Variants in TRAPPC13 observed in about 807,000 individuals in gnomAD.
The protein encoded by TRAPPC13 is trafficking protein particle complex subunit 13.
TRAPPC13 carries 39 observed loss-of-function variants against 54.0 expected under a neutral mutation model. The ratio of observed to expected loss-of-function variants is 0.72; its 90% confidence interval spans 0.56 to 0.94. The LOEUF is 0.94. Ranked by LOEUF, TRAPPC13 falls within the 40% of genes least tolerant of loss-of-function variation. The probability of loss-of-function intolerance (pLI) is 0.00; values close to 1 mark genes in which losing one functional copy is unlikely to be tolerated. For missense variants in TRAPPC13, 386 were observed against 488.1 expected (o/e 0.79, Z 1.97); for synonymous variants, 148 against 167.7 (o/e 0.88, Z 0.91).
chr5:65,652,341 T>TTTC lies in TRAPPC13; in HGVS notation c.502-158_502-157insCTT, dbSNP rs200425748. ...CATTAGGGATTCTTTTTTCTTTTCT[T>TTTC]TTTTTTTTTTTTTTTGGAAGAATAT... is the stretch of plus-strand genomic sequence containing the variant. On this transcript the variant is annotated intron_variant, in intron 6 of 12. Coordinates refer to ENST00000399438, the MANE Select transcript of TRAPPC13 (RefSeq NM_024941.4). Among the ~76,000 whole-genome samples, 360 of 122,048 alleles carry TTTC rather than the reference T, an allele frequency of 2.9e-3. 3 individuals are homozygous for TTTC. The highest frequency in any genetic ancestry group is 0.016 in the East Asian group (70 of 4,444). The allele number at this position is 122,048 out of a possible 152,430, so 80.1% of individuals were successfully genotyped here. A position where few individuals can be genotyped will look rare whatever the true frequency, so the allele number is the denominator to read the frequency against.
chr5:65,629,477 C>T, intron 1 of TRAPPC13: 4 of 1,427,712 alleles, frequency 2.8e-6, no homozygotes, highest in Non-Finnish European at 3.7e-6. Flanking sequence ...GGTCCTGTTT[C>T]CCTCTGATTT....
At chr5:65,655,980 A>T (rs1756636780) in intron 8 of TRAPPC13, among the ~76,000 whole-genome samples, 1 of 152,116 alleles carries the variant, frequency 6.6e-6, no homozygotes, top group South Asian at 2.1e-4. Context: ...ACTGTAAAAT[A>T]CCCGATTATC....
chr5:65,650,936 G>A (rs1756407677), intron 6 of TRAPPC13, 54 bp downstream of exon 6: 2 of 1,286,744 alleles, frequency 1.6e-6, no homozygotes, highest in African/African-American at 1.5e-5. Flanking sequence ...CTTCCTGGTA[G>A]TATACAGTTA....
intron 3 of TRAPPC13, 142 bp downstream of exon 3, chr5:65,636,185 C>T (rs1755740343): frequency 1.7e-6 from 1 of 593,864 alleles, no homozygotes; most frequent in Non-Finnish European, 2.9e-6. Context: ...GCTCTATTGC[C>T]CAGGCTGGAG....
In TRAPPC13 at chr5:65,625,096, G is replaced by A; in HGVS notation, c.36G>A (p.Leu12=). Reference sequence around the variant, plus strand: ...ATCCCCCTAAACAGGAGCACCTGCTGGCGCTAAAAGGTAAACTTTTGCGAA... The same window carrying A: ...ATCCCCCTAAACAGGAGCACCTGCTAGCGCTAAAAGGTAAACTTTTGCGAA... ...EVNPPKQEHL[L]ALKVMRLTKP... Residue 12 remains leucine (L), a synonymous_variant, in exon 1 of 13, where the codon CTG becomes CTA. Coordinates refer to ENST00000399438, the MANE Select transcript of TRAPPC13 (RefSeq NM_024941.4). The A allele has an allele frequency of 1.2e-6, 2 of 1,613,690 alleles. No homozygotes were observed. Among genetic ancestry groups the A allele is most frequent in the South Asian group, 2.2e-5 (2 of 91,064 alleles).
In TRAPPC13 at chr5:65,625,203, C is replaced by T. The variant is rs1412541967; in HGVS notation, c.46+97C>T. The T allele has an allele frequency of 2.0e-5, 20 of 1,020,858 alleles. No homozygotes were observed. The Admixed American group carries it at 2.1e-4, about 11-fold the overall frequency. 63.2% of individuals were successfully genotyped at this position (1,020,858 alleles called of 1,614,324 possible). ...GTAGGCCTCATCCTTCTTAAACACT[C>T]AGTGCTCGCCCTCCTGCTCTGTCCT... On this transcript the variant is annotated intron_variant, in intron 1 of 12. Transcript: ENST00000399438.
At chr5:65,627,545 A>G (rs958897040) in intron 1 of TRAPPC13, among the ~76,000 whole-genome samples, 1 of 151,734 alleles carries the variant, frequency 6.6e-6, no homozygotes, top group Non-Finnish European at 1.5e-5. Context: ...CACAAGAATC[A>G]CTTGACCCTG....
chr5:65,662,021 T>C (rs1465307857), intron 10 of TRAPPC13, 29 bp from the exon 11 acceptor site: 8 of 1,525,466 alleles, frequency 5.2e-6, no homozygotes, highest in East Asian at 2.4e-5. Flanking sequence ...GTGATAGATA[T>C]ACATTAACTG....
chr5:65,625,877 A>C (rs1300998733), intron 1 of TRAPPC13: 1 of 152,246 alleles, frequency 6.6e-6, no homozygotes. Context: ...AGCTGAGGAA[A>C]TGCTCAATAA....
At chr5:65,638,563 C>T (rs1039320932) in intron 4 of TRAPPC13, among the ~76,000 whole-genome samples, 2 of 152,074 alleles carry the variant, frequency 1.3e-5, no homozygotes, top group African/African-American at 2.4e-5. Flanking sequence ...GGTAAGAGTC[C>T]GTAAGGTGGT....
rs773263077 is a variant in TRAPPC13 at position 65,629,791 on chromosome 5, G to A, written c.46+4685G>A. The stretch of plus-strand genomic sequence containing the variant: ...TTTCTGAAGAGGCAGCTGAAGATGT[G>A]AAACAGTACTTAACCATTTCAGAAC... On this transcript the variant is annotated intron_variant, in intron 1 of 12. Transcript: ENST00000399438. 1.2e-5 allele frequency: 18 copies of A among 1,536,072 alleles called. 1 individual carries two copies. In the South Asian group the frequency reaches 1.8e-4, roughly 15 times the overall value.
intron 1 of TRAPPC13, among the ~76,000 whole-genome samples, chr5:65,629,127 A>G (rs1303374325): frequency 1.3e-5 from 2 of 152,208 alleles, no homozygotes; most frequent in African/African-American, 2.4e-5. Context: ...TATTTTAAGA[A>G]TCATTCATTT....
chr5:65,632,723 C>T (rs920453871), intron 1 of TRAPPC13, among the ~76,000 whole-genome samples: 3 of 152,166 alleles, frequency 2.0e-5, no homozygotes, highest in African/African-American at 7.2e-5. Flanking sequence ...AAATATTTAG[C>T]ATAATGCCTG....
chr5:65,634,071 C>A (rs1436852371), intron 1 of TRAPPC13, among the ~76,000 whole-genome samples: 2 of 150,636 alleles, frequency 1.3e-5, no homozygotes, highest in African/African-American at 2.5e-5. Context: ...CTGCAACCTC[C>A]GCCTCCCGGC....
intron 8 of TRAPPC13, among the ~76,000 whole-genome samples, chr5:65,656,177 T>G (rs979568975): frequency 6.6e-6 from 1 of 152,242 alleles, no homozygotes; most frequent in East Asian, 1.9e-4. Context: ...CAGCATTTGC[T>G]TATATCACAT....
chr5:65,651,616 GT>G (rs1486355458), intron 6 of TRAPPC13, among the ~76,000 whole-genome samples: 2 of 143,856 alleles, frequency 1.4e-5, no homozygotes, highest in African/African-American at 2.5e-5. Context: ...ATCAAAAATA[GT>G]TTCAAAACAC....
At chr5:65,640,309 G>A (rs1581215788) in intron 4 of TRAPPC13, among the ~76,000 whole-genome samples, 3 of 152,308 alleles carry the variant, frequency 2.0e-5, no homozygotes, top group East Asian at 3.9e-4. Context: ...AGCCAAGGCA[G>A]GAAGATTGCT....
chr5:65,646,627 C>T (rs1482216167), intron 4 of TRAPPC13, among the ~76,000 whole-genome samples: 4 of 152,014 alleles, frequency 2.6e-5, no homozygotes, highest in South Asian at 2.1e-4. Flanking sequence ...TGAAAAAACA[C>T]GTGTCGTAGC....
At chr5:65,661,278 ATTT>A (rs1253379402) in intron 10 of TRAPPC13, 2 of 154,678 alleles carry the variant, frequency 1.3e-5, no homozygotes, top group East Asian at 3.8e-4. Flanking sequence ...AGTTCCTACC[ATTT>A]TTAAGATGTT....
Sources: allele counts gnomAD v4.1 joint callset (sites outside exome capture counted in the v4.1 genomes callset), GRCh38; gene constraint gnomAD v4.1.1; transcripts MANE v1.5; gene names NCBI Gene and HGNC (gene_info 2026-07-23, HGNC 2026-07-21).